NIM1K: variants seen among roughly 807,000 people sequenced by gnomAD.
The protein encoded by NIM1K is serine/threonine-protein kinase NIM1.
NIM1K carries 35 observed loss-of-function variants against 37.1 expected under a neutral mutation model. The ratio of observed to expected loss-of-function variants is 0.94; its 90% CI spans 0.72 to 1.25. The LOEUF is 1.25. Among genes scored for constraint, NIM1K ranks in the 50% most tolerant of loss-of-function variants. The probability of loss-of-function intolerance (pLI) is 0.00; values close to 1 mark genes in which losing one functional copy is unlikely to be tolerated. For synonymous variants in NIM1K, 234 were observed against 206.6 expected, an observed-to-expected ratio of 1.13 and a Z score of -1.14; for missense variants, 564 against 548.0, an observed-to-expected ratio of 1.03 and a Z score of -0.29.
At position 43,232,821 on chromosome 5, in the gene NIM1K, G is replaced by A. The variant is rs1207670215; in HGVS notation, c.-694-12261G>A. On this transcript the variant is annotated intron_variant, in intron 1 of 3. Transcript: ENST00000326035. ...CCAGTTTACAAATTTGGTCCAAAAC[G>A]AGGTCAGTGATCTCCTGGCCAATGG... 6.8e-6 allele frequency: 7 copies of A among 1,035,550 alleles called. No homozygotes were observed. In the East Asian group the frequency reaches 9.5e-5, roughly 14 times the overall value. The allele number at this position is 1,035,550 out of a possible 1,614,324, so 64.1% of individuals were successfully genotyped here.
intron 2 of NIM1K, among the ~76,000 whole-genome samples, chr5:43,258,498 G>T (rs976381771): frequency 6.6e-6 from 1 of 151,806 alleles, no homozygotes; most frequent in Non-Finnish European, 1.5e-5. Flanking sequence ...CTGGAATGTG[G>T]TGGCACAATC....
chr5:43,197,071 C>A (rs1188207258), intron 1 of NIM1K, among the ~76,000 whole-genome samples: 1 of 150,894 alleles, frequency 6.6e-6, no homozygotes, highest in Non-Finnish European at 1.5e-5. Context: ...CAAGCATGAG[C>A]CACCATGCCT....
intron 2 of NIM1K, among the ~76,000 whole-genome samples, chr5:43,264,072 T>C (rs926260146): frequency 3.3e-5 from 5 of 152,218 alleles, no homozygotes; most frequent in African/African-American, 1.2e-4. Context: ...AAGTGTGATG[T>C]AGTGCTGAGA....
rs35708056 is a variant in NIM1K at position 43,271,525 on chromosome 5, G to T, written c.293-5532G>T. On this transcript the variant is annotated intron_variant, in intron 2 of 3. Coordinates refer to ENST00000326035, the MANE Select transcript of NIM1K (RefSeq NM_153361.4). Reference sequence around the variant, plus strand: ...ATATATTAGAGTAGTGCTCAAAAATGTTTTATTATGCACATGCAGTTGTAA... The same window carrying T: ...ATATATTAGAGTAGTGCTCAAAAATTTTTTATTATGCACATGCAGTTGTAA... Among the ~76,000 whole-genome samples the T allele has an allele frequency of 7.5e-3, 1,149 of 152,206 alleles. 10 individuals carry two copies. Among genetic ancestry groups the T allele is most frequent in the Middle Eastern group, 0.034 (10 of 294 alleles).
chr5:43,262,981 A>G (rs945203937), intron 2 of NIM1K, among the ~76,000 whole-genome samples: 3 of 152,142 alleles, frequency 2.0e-5, no homozygotes, highest in African/African-American at 7.2e-5. Context: ...GTGGTGGATA[A>G]GCTTTTTGAT....
chr5:43,197,685 C>T (rs1751938971), intron 1 of NIM1K, among the ~76,000 whole-genome samples: 1 of 152,186 alleles, frequency 6.6e-6, no homozygotes, highest in Admixed American at 6.5e-5. Context: ...TTACCATTTC[C>T]CTGACCTACA....
intron 1 of NIM1K, among the ~76,000 whole-genome samples, chr5:43,215,520 G>A (rs1172823396): frequency 6.6e-6 from 1 of 152,148 alleles, no homozygotes; most frequent in Non-Finnish European, 1.5e-5. Flanking sequence ...CGCAGTCCCC[G>A]CCTCCTGGGC....
rs1273613418 is a variant in NIM1K at position 43,245,827 on chromosome 5, C to T, written c.52C>T (p.Arg18Trp). The change falls in exon 2 of 4, where the codon CGG (arginine) becomes TGG (tryptophan). Residue 18 changes from arginine (R) to tryptophan (W), a missense_variant. Physicochemically the swap from Arg to Trp is moderately radical, Grantham distance 101. Transcript: ENST00000326035. ...TGGCCTGGTGAACCCCCACTATGCC[C>T]GGTGGGATCGGCGCGACAGTGTAGA... ...GGGLVNPHYA[R>W]WDRRDSVESG... 14 of 1,613,206 alleles carry T rather than the reference C, an allele frequency of 8.7e-6. No homozygotes were observed. The East Asian group carries it at 8.9e-5, about 10-fold the overall frequency.
chr5:43,195,311 A>G lies in NIM1K; in HGVS notation c.-695+2900A>G, dbSNP rs574111421. Among the ~76,000 whole-genome samples the G allele has an allele frequency of 2.0e-5, 3 of 152,324 alleles. No homozygotes were observed. In the South Asian group the frequency reaches 6.2e-4, roughly 32 times the overall value. On this transcript the variant is annotated intron_variant, in intron 1 of 3. Transcript: ENST00000326035. The stretch of plus-strand genomic sequence containing the variant: ...TCAAGGTTAGCTTAGCCATTATTAT[A>G]CAGCATCCTGAGGAATATTAATCAG...
chr5:43,275,678 C>T (rs937407605), intron 2 of NIM1K, among the ~76,000 whole-genome samples: 3 of 152,000 alleles, frequency 2.0e-5, no homozygotes, highest in Admixed American at 6.6e-5. Flanking sequence ...GGGAGATAAA[C>T]AAGGGAGGTG....
At chr5:43,274,403 A>G (rs112473887) in intron 2 of NIM1K, among the ~76,000 whole-genome samples, 1,862 of 151,560 alleles carry the variant, frequency 0.012, 50 homozygotes, top group African/African-American at 0.043. Flanking sequence ...CAGTAATGGG[A>G]GAACTGAGGA....
intron 2 of NIM1K, among the ~76,000 whole-genome samples, chr5:43,262,721 T>C (rs1753052109): frequency 6.6e-6 from 1 of 152,184 alleles, no homozygotes; most frequent in Non-Finnish European, 1.5e-5. Context: ...TTTTGCCCAT[T>C]CCATATGATA....
chr5:43,203,099 G>A (rs1395879130), intron 1 of NIM1K, among the ~76,000 whole-genome samples: 1 of 151,146 alleles, frequency 6.6e-6, no homozygotes, highest in African/African-American at 2.4e-5. Flanking sequence ...CATCCCCCCA[G>A]CCCCACCGCC....
chr5:43,227,843 A>G (rs1312592390), intron 1 of NIM1K, among the ~76,000 whole-genome samples: 1 of 152,146 alleles, frequency 6.6e-6, no homozygotes, highest in East Asian at 1.9e-4. Flanking sequence ...TTCACCCCAT[A>G]TTGTCTAATC....
chr5:43,228,152 CTT>C (rs1231293441), intron 1 of NIM1K, among the ~76,000 whole-genome samples: 5 of 145,372 alleles, frequency 3.4e-5, no homozygotes, highest in Admixed American at 6.9e-5. Context: ...TGGTTGAGAC[CTT>C]TTTTTTTTTT....
At chr5:43,229,972 T>A (rs1178587290) in intron 1 of NIM1K, among the ~76,000 whole-genome samples, 1 of 152,088 alleles carries the variant, frequency 6.6e-6, no homozygotes, top group Admixed American at 6.5e-5. Flanking sequence ...GAGCGAAGAC[T>A]TCCTTTGAAA....
chr5:43,260,537 TG>T (rs1162478872), intron 2 of NIM1K, among the ~76,000 whole-genome samples: 1 of 152,222 alleles, frequency 6.6e-6, no homozygotes, highest in Non-Finnish European at 1.5e-5. Flanking sequence ...CATATGGTTT[TG>T]TTTTTAATTC....
chr5:43,201,614 A>T (rs1752021565), intron 1 of NIM1K, among the ~76,000 whole-genome samples: 1 of 151,184 alleles, frequency 6.6e-6, no homozygotes, highest in Admixed American at 6.6e-5. Flanking sequence ...AGCCAAATAT[A>T]TTTTTTTTTG....
In NIM1K at chr5:43,280,637, A is replaced by G. The variant is rs532913867; in HGVS notation, c.1219A>G (p.Met407Val). ...KKALESVPVM[M>V]LPDPKERDLK... ...GGCTTTGGAAAGTGTCCCAGTCATG[A>G]TGCTACCAGACCCTAAAGAAAGAGA... is the stretch of plus-strand genomic sequence containing the variant. The change falls in exon 4 of 4, where the codon ATG becomes GTG. Residue 407 changes from methionine (M) to valine (V), a missense_variant. Physicochemically the swap from Met to Val is conservative, Grantham distance 21 (BLOSUM62 1). Transcript: ENST00000326035. The G allele has an allele frequency of 2.5e-6, 4 of 1,614,132 alleles. No homozygotes were observed. The South Asian group carries it at 4.4e-5, about 18-fold the overall frequency.
Sources: gnomAD v4.1 joint callset for allele counts (sites outside exome capture counted in the v4.1 genomes callset) on GRCh38, gnomAD v4.1.1 for gene constraint, MANE v1.5 for transcripts, NCBI Gene and HGNC (gene_info 2026-07-23, HGNC 2026-07-21) for gene names.